Variants in ST7L observed in about 807,000 individuals in gnomAD.
The protein encoded by ST7L is suppression of tumorigenicity 7 like.
ST7L carries 57 observed loss-of-function variants against 72.5 expected under a neutral mutation model. That is an observed-to-expected ratio of 0.79 (90% CI 0.64 to 0.98). ST7L has a LOEUF of 0.98. Among genes scored for constraint, ST7L ranks in the 50% least tolerant of loss-of-function variants. The pLI is 0.00. For missense variants in ST7L, 576 were observed against 672.2 expected (o/e 0.86, Z 1.58); for synonymous variants, 221 against 240.9 (o/e 0.92, Z 0.77).
chr1:112,526,743 A>G, intron 14 of ST7L: 1 of 151,850 alleles, frequency 6.6e-6, no homozygotes, highest in South Asian at 2.1e-4. Flanking sequence ...CCGTCACAAA[A>G]AAAAAAAAAA....
chr1:112,618,118 G>A (rs1164752970), intron 1 of ST7L: 1 of 1,297,408 alleles, frequency 7.7e-7, no homozygotes. Flanking sequence ...CTTGTTCTGA[G>A]GTTGCTGCTC....
At chr1:112,567,345 T>C (rs897101370) in intron 11 of ST7L, among the ~76,000 whole-genome samples, 11 of 152,204 alleles carry the variant, frequency 7.2e-5, no homozygotes, top group African/African-American at 2.7e-4. Context: ...TTTTTTTATA[T>C]GTATATATTT....
chr1:112,540,706 A>C (rs1655960070), intron 14 of ST7L: 2 of 1,210,112 alleles, frequency 1.7e-6, no homozygotes, highest in African/African-American at 1.6e-5. Context: ...ACTATTCTTA[A>C]GGCAGAAAAA....
intron 11 of ST7L, among the ~76,000 whole-genome samples, chr1:112,559,321 C>T (rs140564013): frequency 0.02 from 3,063 of 152,162 alleles, 106 homozygotes; most frequent in African/African-American, 0.069. Context: ...AGAACCTCTG[C>T]CTCCCAGGTT....
At chr1:112,535,060 G>A (rs1654960027) in intron 14 of ST7L, among the ~76,000 whole-genome samples, 1 of 152,164 alleles carries the variant, frequency 6.6e-6, no homozygotes, top group Admixed American at 6.5e-5. Flanking sequence ...CTGGGGAAGG[G>A]ATATACACAT....
chr1:112,572,933 C>A (rs532464820), intron 11 of ST7L, among the ~76,000 whole-genome samples: 92 of 151,916 alleles, frequency 6.1e-4, no homozygotes, highest in African/African-American at 2.1e-3. Context: ...AATGAATGAA[C>A]CAGAAAATAA....
At chr1:112,618,135 T>C (rs1370094248) in intron 1 of ST7L, 1 of 1,284,118 alleles carries the variant, frequency 7.8e-7, no homozygotes, top group African/African-American at 1.5e-5. Flanking sequence ...GCTCAGATCT[T>C]GAGTGAAATA....
chr1:112,603,350 T>C (rs971027982), intron 3 of ST7L, among the ~76,000 whole-genome samples: 4 of 152,222 alleles, frequency 2.6e-5, no homozygotes, highest in Non-Finnish European at 5.9e-5. Context: ...TGTTAAGATA[T>C]ACCAATAGAT....
At chr1:112,519,027 G>A (rs1219395924), downstream of ST7L, among the ~76,000 whole-genome samples, 1 of 152,076 alleles carries the variant, frequency 6.6e-6, no homozygotes, top group African/African-American at 2.4e-5. Flanking sequence ...TGTGACTAGT[G>A]GCTGCTACCC....
At chr1:112,593,358 A>C (rs1307789198) in intron 5 of ST7L, among the ~76,000 whole-genome samples, 2 of 152,182 alleles carry the variant, frequency 1.3e-5, no homozygotes, top group East Asian at 3.8e-4. Flanking sequence ...TGTCCTCTTT[A>C]AGGGCTCTTA....
intron 3 of ST7L, among the ~76,000 whole-genome samples, chr1:112,603,133 T>G (rs895048045): frequency 5.3e-5 from 8 of 152,188 alleles, no homozygotes; most frequent in African/African-American, 1.7e-4. Context: ...TTTTTAAAAA[T>G]GTATGTCTGC....
At chr1:112,555,133 A>C (rs1658884781) in intron 12 of ST7L, among the ~76,000 whole-genome samples, 1 of 152,188 alleles carries the variant, frequency 6.6e-6, no homozygotes, top group Non-Finnish European at 1.5e-5. Flanking sequence ...ACTAAATTTT[A>C]TGTTGTATAT....
At position 112,616,847 on chromosome 1, in the gene ST7L, G is replaced by GT; in HGVS notation, c.253dup (p.Thr85AsnfsTer15). 1 of 1,607,184 alleles carries GT rather than the reference G, an allele frequency of 6.2e-7. No homozygotes were observed. Among genetic ancestry groups the GT allele is most frequent in the South Asian group, 1.1e-5 (1 of 89,200 alleles). On this transcript the variant is annotated frameshift_variant, in exon 2 of 15. Coordinates refer to ENST00000358039, the MANE Select transcript of ST7L (RefSeq NM_017744.5). LOFTEE classifies it high-confidence loss of function. The stretch of plus-strand genomic sequence containing the variant: ...TCCTGATATCAATGAAGAGGTCCCT[G>GT]TAAGTGCCACATAGAATTTGGGTGT...
At chr1:112,584,494 C>CT (rs374716152) in intron 6 of ST7L, among the ~76,000 whole-genome samples, 213 of 147,884 alleles carry the variant, frequency 1.4e-3, no homozygotes, top group African/African-American at 4.6e-3. Context: ...GTCATACCTG[C>CT]TTTTTTTTTT....
In ST7L at chr1:112,555,863, C is replaced by G; in HGVS notation, c.1396+5G>C. The stretch of plus-strand genomic sequence containing the variant: ...TTAGTGTTACTTTTGGAAAAGAATA[C>G]TTACTGCCTTCCCATGTACACTGTA... On this transcript the variant is annotated splice_donor_5th_base_variant and intron_variant, in intron 12 of 14. Coordinates refer to ENST00000358039, the MANE Select transcript of ST7L (RefSeq NM_017744.5). 6.7e-7 allele frequency: 1 copy of G among 1,500,216 alleles called. No individual in the cohort carries two copies. Among genetic ancestry groups the G allele is most frequent in the Non-Finnish European group, 8.9e-7 (1 of 1,119,308 alleles). The allele number at this position is 1,500,216 out of a possible 1,614,324, so 92.9% of individuals were successfully genotyped here.
chr1:112,526,528 C>T (rs2101132757), intron 14 of ST7L: 1 of 156,954 alleles, frequency 6.4e-6, no homozygotes, highest in African/African-American at 2.4e-5. Flanking sequence ...ATCACGAGGT[C>T]AGGAGATTGA....
At chr1:112,517,907 A>G in the ST7L span, 2 of 155,060 alleles carry the variant, frequency 1.3e-5, no homozygotes, top group East Asian at 3.8e-4. Context: ...TTGAGAGACG[A>G]GTGGGCAATT....
chr1:112,594,271 C>T (rs908463896), intron 5 of ST7L, among the ~76,000 whole-genome samples: 3 of 151,168 alleles, frequency 2.0e-5, no homozygotes, highest in African/African-American at 7.3e-5. Context: ...GATGTACTGC[C>T]CTATAGTGTA....
intron 14 of ST7L, among the ~76,000 whole-genome samples, chr1:112,531,647 C>T (rs1654401600): frequency 6.6e-6 from 1 of 152,136 alleles, no homozygotes; most frequent in Non-Finnish European, 1.5e-5. Context: ...ATAGCTTCCA[C>T]CTTATACTAA....
Sources: allele counts gnomAD v4.1 joint callset (sites outside exome capture counted in the v4.1 genomes callset), GRCh38; gene constraint gnomAD v4.1.1; transcripts MANE v1.5; gene names NCBI Gene and HGNC (gene_info 2026-07-23, HGNC 2026-07-21).